SUFU: variants seen among roughly 807,000 people sequenced by gnomAD.
SUFU encodes suppressor of fused homolog.
Under a neutral mutation model 58.9 loss-of-function variants are expected in SUFU, and 7 were observed. The ratio of observed to expected loss-of-function variants is 0.12; its 90% CI spans 0.07 to 0.22. SUFU has a LOEUF of 0.22. Among genes scored for constraint, SUFU ranks in the 10% least tolerant of loss-of-function variants. SUFU has a pLI of 1.00. For missense variants in SUFU, 451 were observed against 641.3 expected (o/e 0.70, Z 3.20); for synonymous variants, 232 against 254.8 (o/e 0.91, Z 0.85).
intron 3 of SUFU, among the ~76,000 whole-genome samples, chr10:102,589,208 A>C (rs1347145794): frequency 2.0e-5 from 3 of 152,104 alleles, no homozygotes; most frequent in Non-Finnish European, 4.4e-5. Flanking sequence ...GATTAGAGGC[A>C]TGAGCCACCA....
intron 3 of SUFU, among the ~76,000 whole-genome samples, chr10:102,580,329 G>A (rs1174380883): frequency 6.6e-6 from 1 of 152,186 alleles, no homozygotes; most frequent in Non-Finnish European, 1.5e-5. Flanking sequence ...TACGCAGGAT[G>A]TGTTTATTTT....
At chr10:102,567,433 G>A (rs1033475731) in intron 3 of SUFU, among the ~76,000 whole-genome samples, 1 of 152,094 alleles carries the variant, frequency 6.6e-6, no homozygotes, top group South Asian at 2.1e-4. Flanking sequence ...GAGATTCCCT[G>A]GGAGTGGGTC....
At chr10:102,594,875 C>T (rs1166480475) in intron 6 of SUFU, among the ~76,000 whole-genome samples, 2 of 152,152 alleles carry the variant, frequency 1.3e-5, no homozygotes, top group African/African-American at 4.8e-5. Context: ...CCCACCACCA[C>T]GCCCAGATAA....
chr10:102,604,533 CAG>C (rs530155483), intron 8 of SUFU, among the ~76,000 whole-genome samples: 3 of 152,150 alleles, frequency 2.0e-5, no homozygotes, highest in Non-Finnish European at 2.9e-5. Context: ...GTTGCACAAT[CAG>C]GGGTATTTTT....
intron 3 of SUFU, chr10:102,572,878 T>C (rs1298977711): frequency 8.6e-6 from 7 of 809,526 alleles, no homozygotes; most frequent in African/African-American, 5.0e-5. Flanking sequence ...ATCAGTGTCA[T>C]AGAGCTTCTT....
chr10:102,547,832 G>GGAGA (rs958492409), intron 2 of SUFU, among the ~76,000 whole-genome samples: 1 of 151,422 alleles, frequency 6.6e-6, no homozygotes, highest in Non-Finnish European at 1.5e-5. Context: ...GAGGCGGGGG[G>GGAGA]GAGAGAGAGA....
Position 102,593,567 on chromosome 10 carries a change from G to A in SUFU, c.598-69G>A. On this transcript the variant is annotated intron_variant, in intron 4 of 11. Transcript: ENST00000369902. ...CAACTGGAGGTGACTCAGAGAGCCTGGGTAGCTGACCTTCTTGGGGTGGGG... is the reference window on the plus strand; with the variant it reads ...CAACTGGAGGTGACTCAGAGAGCCTAGGTAGCTGACCTTCTTGGGGTGGGG... 4 of 1,515,400 alleles carry A rather than the reference G, an allele frequency of 2.6e-6. No homozygotes were observed. The South Asian group carries it at 4.5e-5, about 17-fold the overall frequency. The allele number at this position is 1,515,400 out of a possible 1,614,324, so 93.9% of individuals were successfully genotyped here.
In SUFU at chr10:102,630,153, T is replaced by G. The variant is rs941755884; in HGVS notation, c.1453T>G (p.Ter485GluextTer36). Residue 485 changes from the stop codon to glutamate (E), a stop_lost, in exon 12 of 12, where the codon TAG becomes GAG. Transcript: ENST00000369902. The stretch of plus-strand genomic sequence containing the variant: ...CGTGGTGTTCGACAGTCCGCTACAC[T>G]AGCCTGGGCTGGGCCCTGCAGTGGC... ...PDVVFDSPLH* is the reference protein window; with the variant it reads ...PDVVFDSPLHE 1.9e-6 allele frequency: 3 copies of G among 1,613,664 alleles called. No homozygotes were observed. The African/African-American group carries it at 4.0e-5, about 22-fold the overall frequency.
At chr10:102,590,166 T>C (rs1488012312) in intron 3 of SUFU, among the ~76,000 whole-genome samples, 2 of 136,410 alleles carry the variant, frequency 1.5e-5, no homozygotes, top group Non-Finnish European at 3.1e-5. Context: ...TTTTCTTTTT[T>C]TTTTTTTTTT....
At chr10:102,584,364 T>G (rs2063314972) in intron 3 of SUFU, among the ~76,000 whole-genome samples, 1 of 152,166 alleles carries the variant, frequency 6.6e-6, no homozygotes. Context: ...TTTTTTTAAT[T>G]TAAGATGGGG....
At chr10:102,542,626 C>CT (rs55957762) in intron 2 of SUFU, among the ~76,000 whole-genome samples, 5 of 112,054 alleles carry the variant, frequency 4.5e-5, no homozygotes, top group African/African-American at 9.9e-5. Flanking sequence ...TCCTTTTGCT[C>CT]TTTTTTTTTT....
At chr10:102,503,034 C>G (rs1453196700), upstream of SUFU, among the ~76,000 whole-genome samples, 1 of 152,100 alleles carries the variant, frequency 6.6e-6, no homozygotes, top group Non-Finnish European at 1.5e-5. Flanking sequence ...TTGGATTGGT[C>G]GTAATTCATG....
At chr10:102,503,837 G>A (rs2135595742), upstream of SUFU, 1 of 370,158 alleles carries the variant, frequency 2.7e-6, no homozygotes, top group East Asian at 5.2e-5. Flanking sequence ...ACACAGGGAG[G>A]GGAGGCGGGG....
intron 2 of SUFU, among the ~76,000 whole-genome samples, chr10:102,511,612 A>G (rs183404263): frequency 5.3e-5 from 8 of 152,358 alleles, no homozygotes; most frequent in Admixed American, 4.6e-4. Flanking sequence ...TAGATAAGAA[A>G]AATGAGTCTC....
At chr10:102,578,364 A>C (rs540618755) in intron 3 of SUFU, among the ~76,000 whole-genome samples, 4 of 151,534 alleles carry the variant, frequency 2.6e-5, no homozygotes, top group Admixed American at 1.3e-4. Context: ...GATCACTTGA[A>C]GTCAGGAGTT....
chr10:102,631,932 C>T lies in SUFU; in HGVS notation c.*1777C>T, dbSNP rs939427258. 4.3e-6 allele frequency: 1 copy of T among 233,246 alleles called. No homozygotes were observed. Among genetic ancestry groups the T allele is most frequent in the African/African-American group, 2.2e-5 (1 of 45,354 alleles). The allele number at this position is 233,246 out of a possible 1,614,324, so 14.4% of individuals were successfully genotyped here. ...ATGTCGGCAGCTGTGCCTCTACTGC[C>T]CTGAGGACTTACCAGAGGGAGCCCT... is the stretch of plus-strand genomic sequence containing the variant. On this transcript the variant is annotated 3_prime_UTR_variant, in exon 12 of 12. Transcript: ENST00000369902.
chr10:102,529,770 C>A (rs1334322996), intron 2 of SUFU, among the ~76,000 whole-genome samples: 1 of 152,028 alleles, frequency 6.6e-6, no homozygotes, highest in Non-Finnish European at 1.5e-5. Context: ...CATGGTGAAA[C>A]CCCATCTCTA....
At chr10:102,576,458 A>T (rs1386992417) in intron 3 of SUFU, among the ~76,000 whole-genome samples, 1 of 152,108 alleles carries the variant, frequency 6.6e-6, no homozygotes, top group Non-Finnish European at 1.5e-5. Flanking sequence ...TTATTGTATG[A>T]ATAAACCATA....
chr10:102,586,033 T>G (rs966818696), intron 3 of SUFU, among the ~76,000 whole-genome samples: 2 of 151,586 alleles, frequency 1.3e-5, no homozygotes, highest in African/African-American at 2.4e-5. Context: ...TACAGGCTCA[T>G]GCCACCACAC....
Sources: allele counts gnomAD v4.1 joint callset (sites outside exome capture counted in the v4.1 genomes callset), GRCh38; gene constraint gnomAD v4.1.1; transcripts MANE v1.5; gene names NCBI Gene and HGNC (gene_info 2026-07-23, HGNC 2026-07-21).